Variants in USHBP1 observed in about 807,000 individuals in gnomAD.
USHBP1 encodes USH1 protein network component harmonin binding protein 1, also known as harmonin-binding protein USHBP1.
A neutral mutation model predicts 76.2 loss-of-function variants in USHBP1; 67 were observed. The observed-to-expected ratio is 0.88, with a 90% CI of 0.72 to 1.08. The LOEUF is 1.08. USHBP1 is among the 50% of genes least tolerant of loss of function. USHBP1 has a pLI of 0.00. For synonymous variants in USHBP1, 322 were observed against 362.2 expected, an observed-to-expected ratio of 0.89 and a Z score of 1.26; for missense variants, 931 against 915.0, an observed-to-expected ratio of 1.02 and a Z score of -0.23.
chr19:17,256,402 C>A, intron 9 of USHBP1, 69 bp downstream of exon 9: 1 of 1,588,470 alleles, frequency 6.3e-7, no homozygotes, highest in Non-Finnish European at 8.5e-7. Context: ...GCTCCTTGGT[C>A]CCCCGACCTC....
At position 17,256,675 on chromosome 19, in the gene USHBP1, A is replaced by C. The variant is rs770607962; in HGVS notation, c.1266T>G (p.Ala422=). The C allele has an allele frequency of 2.5e-6, 4 of 1,614,100 alleles. No homozygotes were observed. The African/African-American group carries it at 5.3e-5, about 22-fold the overall frequency. Residue 422 remains alanine (A), a synonymous_variant, in exon 9 of 13, where the codon GCT becomes GCG. Coordinates refer to ENST00000252597, the MANE Select transcript of USHBP1 (RefSeq NM_031941.4). Reference sequence around the variant, plus strand: ...GCTGGACATAGCTTCGGAGCTGGAAAGCCACTTCCTGTGGGGTGGGCTTAT... The same window carrying C: ...GCTGGACATAGCTTCGGAGCTGGAACGCCACTTCCTGTGGGGTGGGCTTAT... ...SVDKPTPQEV[A]FQLRSYVQRL...
chr19:17,256,675 A>G lies in USHBP1; in HGVS notation c.1266T>C (p.Ala422=). 6.2e-7 allele frequency: 1 copy of G among 1,614,218 alleles called. No individual in the cohort carries two copies. The highest frequency in any genetic ancestry group is 8.5e-7 in the Non-Finnish European group (1 of 1,180,044). ...SVDKPTPQEV[A]FQLRSYVQRL... ...GCTGGACATAGCTTCGGAGCTGGAA[A>G]GCCACTTCCTGTGGGGTGGGCTTAT... Residue 422 remains alanine, a synonymous_variant, in exon 9 of 13, where the codon GCT becomes GCC. Coordinates refer to ENST00000252597, the MANE Select transcript of USHBP1 (RefSeq NM_031941.4).
At chr19:17,256,802 T>A (rs887880441) in intron 8 of USHBP1, 82 bp from the exon 9 acceptor site, 9 of 1,573,716 alleles carry the variant, frequency 5.7e-6, no homozygotes, top group Non-Finnish European at 7.8e-6. Flanking sequence ...GTAGGGTCCA[T>A]CACCTTCCAT....
chr19:17,255,334 T>C (rs2073604732), intron 10 of USHBP1, 51 bp downstream of exon 10: 1 of 1,555,038 alleles, frequency 6.4e-7, no homozygotes, highest in South Asian at 1.2e-5. Context: ...ACAAGGGCTA[T>C]GTTCTCATTA....
rs778453531 is a variant in USHBP1 at position 17,259,899 on chromosome 19, G to C, written c.766C>G (p.Gln256Glu). 3 of 1,613,332 alleles carry C rather than the reference G, an allele frequency of 1.9e-6. No individual in the cohort carries two copies. The highest frequency in any genetic ancestry group is 2.5e-6 in the Non-Finnish European group (3 of 1,179,530). The part of the protein sequence containing the change: ...SEADREPWET[Q>E]DSFSLAHPLL... Reference sequence around the variant, plus strand: ...GGGATTGAACTTCTCGCACTCACCTGAGTCTCCCAGGGTTCCCTGTCTGCC... The same window carrying C: ...GGGATTGAACTTCTCGCACTCACCTCAGTCTCCCAGGGTTCCCTGTCTGCC... Residue 256 changes from glutamine (Q) to glutamate (E), a missense_variant and splice_region_variant, in exon 5 of 13, where the codon CAG becomes GAG. Transcript: ENST00000252597.
At chr19:17,260,525 T>A (rs2073674467) in intron 4 of USHBP1, among the ~76,000 whole-genome samples, 1 of 152,184 alleles carries the variant, frequency 6.6e-6, no homozygotes, top group Admixed American at 6.5e-5. Flanking sequence ...AGATGGGGTT[T>A]CACCATGTTG....
chr19:17,259,879 T>C lies in USHBP1; in HGVS notation c.768+18A>G. 2 of 1,609,058 alleles carry C rather than the reference T, an allele frequency of 1.2e-6. No individual in the cohort carries two copies. The highest frequency in any genetic ancestry group is 1.7e-6 in the Non-Finnish European group (2 of 1,176,216). On this transcript the variant is annotated intron_variant, in intron 5 of 12. Transcript: ENST00000252597. ...GCTAAGGACATCAAGACCATGGGAT[T>C]GAACTTCTCGCACTCACCTGAGTCT... is the stretch of plus-strand genomic sequence containing the variant.
intron 7 of USHBP1, 96 bp from the exon 8 acceptor site, chr19:17,258,481 G>A (rs536435399): frequency 1.4e-6 from 2 of 1,427,132 alleles, no homozygotes; most frequent in Non-Finnish European, 1.9e-6. Flanking sequence ...GGCTGAGGCG[G>A]GAGGATTACC....
At position 17,264,026 on chromosome 19, in the gene USHBP1, ACCT is replaced by A. The variant is rs376423037; in HGVS notation, c.176_178del (p.Glu59del). ...CCTGCTTCCTAGGCCTTGGCCACTG[ACCT>A]CCTCCATGGGGCCCAGCTGCTCCAG... On this transcript the variant is annotated inframe_deletion, in exon 3 of 13. Transcript: ENST00000252597. 65 of 1,605,648 alleles carry A rather than the reference ACCT, an allele frequency of 4.0e-5. No individual in the cohort carries two copies. The highest frequency in any genetic ancestry group is 3.3e-4 in the African/African-American group (25 of 74,696).
At chr19:17,261,317 TTTTCTTTC>T (rs555731943) in intron 4 of USHBP1, among the ~76,000 whole-genome samples, 10 of 140,872 alleles carry the variant, frequency 7.1e-5, no homozygotes, top group Non-Finnish European at 1.1e-4. Flanking sequence ...TTTTCTTTCT[TTTTCTTTC>T]TTTCTTTCTT....
intron 12 of USHBP1, among the ~76,000 whole-genome samples, chr19:17,250,964 G>C (rs1389110024): frequency 6.6e-6 from 1 of 152,100 alleles, no homozygotes; most frequent in Non-Finnish European, 1.5e-5. Context: ...GGGTTCAAGC[G>C]ATTCTCCTGC....
rs1347907932 is a variant in USHBP1 at position 17,251,647 on chromosome 19, A to G, written c.1857T>C (p.Ala619=). ...QSLRRELEQV[A]QKGRARRSQS... ...GAGACCGTCTGGCTCGCCCCTTCTG[A>G]GCCACCTGTTCCAGCTCCCTGCGCA... The change falls in exon 12 of 13, where the codon GCT becomes GCC. Residue 619 remains alanine (A), a synonymous_variant. Transcript: ENST00000252597. The G allele has an allele frequency of 3.1e-6, 5 of 1,613,762 alleles. No individual in the cohort carries two copies. In the African/African-American group the frequency reaches 6.7e-5, roughly 22 times the overall value.
rs1393186070 is a variant in USHBP1, at chr19:17,259,389, C to A, written c.946G>T (p.Ala316Ser). 1 of 1,614,184 alleles carries A rather than the reference C, an allele frequency of 6.2e-7. No homozygotes were observed. The highest frequency in any genetic ancestry group is 8.5e-7 in the Non-Finnish European group (1 of 1,180,038). Residue 316 changes from alanine (A) to serine (S), a missense_variant, in exon 7 of 13, where the codon GCT (alanine) becomes TCT (serine). Transcript: ENST00000252597. ...CGGCCCTTGTATCCCTGTAGCACAG[C>A]TGATAGCAGACGATTAAAGCATTTG... ...KLKCFNRLLS[A>S]VLQGYKGRCE...
At chr19:17,260,048 G>T in intron 4 of USHBP1, 26 bp from the exon 5 acceptor site, 3 of 1,602,274 alleles carry the variant, frequency 1.9e-6, no homozygotes, top group Non-Finnish European at 2.6e-6. Context: ...GGGACGTCAG[G>T]CCTAGGGGCT....
In USHBP1 at chr19:17,252,013, A is replaced by T. The variant is rs1218830408; in HGVS notation, c.1697T>A (p.Leu566His). 1 of 1,548,270 alleles carries T rather than the reference A, an allele frequency of 6.5e-7. No homozygotes were observed. Among genetic ancestry groups the T allele is most frequent in the Non-Finnish European group, 8.7e-7 (1 of 1,147,086 alleles). ...ACTGGTGCCACCAGGGACAGCAGGA[A>T]GGCCCTAAGGGAGGCAGAAGACAAG... ...SGDEEEWYQG[L>H]PAVPGGTSGI... Residue 566 changes from leucine to histidine, a missense_variant, in exon 11 of 13, where the codon CTT becomes CAT. Transcript: ENST00000252597.
rs751300163 is a variant in USHBP1, at chr19:17,264,091, G to T, written c.114C>A (p.Ser38=). ...CCGGAGGTGGGGCAAAGCTGGGCTT[G>T]GAGCTCCCACTGGCTGCCTCGACCT... ...SEEVEAASGS[S]KPSFAPPPVS... Residue 38 remains serine (S), a synonymous_variant, in exon 3 of 13, where the codon TCC becomes TCA. Transcript: ENST00000252597. The T allele has an allele frequency of 3.1e-6, 5 of 1,613,904 alleles. No individual in the cohort carries two copies. The highest frequency in any genetic ancestry group is 1.3e-5 in the African/African-American group (1 of 74,944).
At chr19:17,259,767 G>A (rs773327501) in intron 5 of USHBP1, 35 bp from the exon 6 acceptor site, 1 of 1,586,088 alleles carries the variant, frequency 6.3e-7, no homozygotes, top group East Asian at 2.2e-5. Context: ...GACCCCAATT[G>A]TCACCAAGAG....
intron 9 of USHBP1, 114 bp downstream of exon 9, chr19:17,256,357 C>T (rs1473292926): frequency 6.8e-7 from 1 of 1,465,014 alleles, no homozygotes; most frequent in Non-Finnish European, 9.2e-7. Context: ...TCTCCCTTCA[C>T]AATGCCTGCA....
In USHBP1 at chr19:17,250,149, G is replaced by A; in HGVS notation, c.*76C>T. On this transcript the variant is annotated 3_prime_UTR_variant, in exon 13 of 13. Transcript: ENST00000252597. ...CCCAACATGCCAAATCATGCAACAT[G>A]ACATGATGTCACTCCAGGACAGTTT... 6.8e-7 allele frequency: 1 copy of A among 1,480,120 alleles called. No individual in the cohort carries two copies. Among genetic ancestry groups the A allele is most frequent in the Non-Finnish European group, 9.1e-7 (1 of 1,100,924 alleles). 91.7% of individuals were successfully genotyped at this position (1,480,120 alleles called of 1,614,324 possible).
Sources: allele counts gnomAD v4.1 joint callset (sites outside exome capture counted in the v4.1 genomes callset), GRCh38; gene constraint gnomAD v4.1.1; transcripts MANE v1.5; gene names NCBI Gene and HGNC (gene_info 2026-07-23, HGNC 2026-07-21).